SERHL2: variants seen among roughly 807,000 people sequenced by gnomAD.
SERHL2 encodes the protein serine hydrolase like 2.
SERHL2 carries 29 observed loss-of-function variants against 25.5 expected under a neutral mutation model. The observed-to-expected ratio is 1.14, with a 90% CI of 0.85 to 1.55. The LOEUF is 1.55. Among genes scored for constraint, SERHL2 ranks in the 40% most tolerant of loss-of-function variants. The pLI, the probability that SERHL2 is intolerant of heterozygous loss-of-function variation, is 0.00. For synonymous variants in SERHL2, 95 were observed against 103.5 expected, an observed-to-expected ratio of 0.92 and a Z score of 0.50; for missense variants, 240 against 252.3, an observed-to-expected ratio of 0.95 and a Z score of 0.33.
intron 8 of SERHL2, among the ~76,000 whole-genome samples, chr22:42,564,048 G>A (rs1923027072): frequency 6.6e-6 from 1 of 151,684 alleles, no homozygotes; most frequent in South Asian, 2.1e-4. Flanking sequence ...CTCTAGCCTG[G>A]GCAACAAGAG....
chr22:42,561,802 C>A (rs2146690584), intron 8 of SERHL2, among the ~76,000 whole-genome samples: 1 of 151,902 alleles, frequency 6.6e-6, no homozygotes, highest in African/African-American at 2.4e-5. Context: ...ATCATCTTGG[C>A]TGAACCTTTA....
chr22:42,573,947 T>C lies in SERHL2; in HGVS notation c.837T>C (p.Phe279=), dbSNP rs768934476. ...MKSTLKEQFQ[F]VEVPGNHCVH... is the part of the protein sequence containing the mutation. ...CCTCCCCTCTCCAGCAGTTCCAGTT[T>C]GTGGAAGTCCCAGGCAATCACTGTG... The change falls in exon 12 of 12, where the codon TTT becomes TTC. Residue 279 remains phenylalanine (F), a synonymous_variant. Coordinates refer to ENST00000327678, the MANE Select transcript of SERHL2 (RefSeq NM_014509.5). The C allele has an allele frequency of 6.2e-7, 1 of 1,610,754 alleles. No individual in the cohort carries two copies. Among genetic ancestry groups the C allele is most frequent in the Non-Finnish European group, 8.5e-7 (1 of 1,177,556 alleles).
intron 9 of SERHL2, among the ~76,000 whole-genome samples, chr22:42,567,807 G>T (rs1214515309): frequency 6.6e-6 from 1 of 150,994 alleles, no homozygotes; most frequent in Admixed American, 6.6e-5. Context: ...CTCAGCTCAC[G>T]GCAACCTTTG....
At chr22:42,559,734 GAAAA>G (rs568121812) in intron 7 of SERHL2, among the ~76,000 whole-genome samples, 10 of 150,422 alleles carry the variant, frequency 6.6e-5, no homozygotes, top group Middle Eastern at 3.4e-3. Context: ...GAAAAAAAAA[GAAAA>G]AAAAATCACG....
rs765998025 is a variant in SERHL2 at position 42,566,322 on chromosome 22, A to AC, written c.634dup (p.Gln212ProfsTer11). The AC allele has an allele frequency of 3.1e-6, 5 of 1,612,188 alleles. No homozygotes were observed. The South Asian group carries it at 5.5e-5, about 18-fold the overall frequency. On this transcript the variant is annotated frameshift_variant, in exon 9 of 12. Coordinates refer to ENST00000327678, the MANE Select transcript of SERHL2 (RefSeq NM_014509.5). LOFTEE classifies it high-confidence loss of function. ...CCTCCAGGTCTGGTTCTGAACAGAG[A>AC]CCAGAGGCTCGCCTGGGTGAGTACC... is the stretch of plus-strand genomic sequence containing the variant.
At position 42,553,987 on chromosome 22, in the gene SERHL2, G is replaced by A. The variant is rs1448272782; in HGVS notation, c.-34G>A. On this transcript the variant is annotated 5_prime_UTR_variant, in exon 1 of 12. Coordinates refer to ENST00000327678, the MANE Select transcript of SERHL2 (RefSeq NM_014509.5). ...CTCCTGCGACCTAGCCAGGCGTGAG[G>A]GAGTGACAGCAGCGCATTCGCGGGA... 2 of 1,612,908 alleles carry A rather than the reference G, an allele frequency of 1.2e-6. No individual in the cohort carries two copies. Among genetic ancestry groups the A allele is most frequent in the Non-Finnish European group, 1.7e-6 (2 of 1,179,386 alleles).
Position 42,554,039 on chromosome 22 carries a change from C to A in SERHL2, c.19C>A (p.Pro7Thr). MSENAA[P>T]GLISELKLAV... ...GAGAGCGATGAGTGAGAACGCCGCA[C>A]CAGGTCTGACGGGGAGGCCTTGTGC... is the stretch of plus-strand genomic sequence containing the variant. Residue 7 changes from proline (P) to threonine (T), a missense_variant, in exon 1 of 12, where the codon CCA becomes ACA. Around this residue, in one of 4 missense-constraint regions of SERHL2, gnomAD observed 18 missense variants for 16.0 expected, o/e 1.12. Transcript: ENST00000327678. The A allele has an allele frequency of 2.5e-6, 4 of 1,613,584 alleles. No individual in the cohort carries two copies. The highest frequency in any genetic ancestry group is 3.4e-6 in the Non-Finnish European group (4 of 1,179,772).
intron 9 of SERHL2, 96 bp downstream of exon 9, chr22:42,566,434 T>A: frequency 8.1e-7 from 1 of 1,235,302 alleles, no homozygotes; most frequent in Non-Finnish European, 1.2e-6. Context: ...GGCTCACGCC[T>A]GTAATCCCAG....
intron 9 of SERHL2, 71 bp from the exon 10 acceptor site, chr22:42,571,050 G>A (rs1924104479): frequency 6.2e-7 from 1 of 1,607,318 alleles, no homozygotes; most frequent in African/African-American, 1.3e-5. Flanking sequence ...CACCCCAACA[G>A]AGATGGGTTT....
intron 7 of SERHL2, 31 bp from the exon 8 acceptor site, chr22:42,560,155 A>G (rs1307542302): frequency 6.4e-7 from 1 of 1,565,036 alleles, no homozygotes; most frequent in Non-Finnish European, 8.8e-7. Flanking sequence ...ATTGGCCTCC[A>G]GGCACCCAGC....
In SERHL2 at chr22:42,560,198, C is replaced by T. The variant is rs778326624; in HGVS notation, c.546C>T (p.Ser182=). ...TGTCTCCCCCCAGGTTACTGAAGAG[C>T]AATAGCCACTTGAGTGAGGAGTGCG... is the stretch of plus-strand genomic sequence containing the variant. ...LKQLLQRLLK[S]NSHLSEECGE... Residue 182 remains serine, a synonymous_variant, in exon 8 of 12, where the codon AGC becomes AGT. Coordinates refer to ENST00000327678, the MANE Select transcript of SERHL2 (RefSeq NM_014509.5). 9 of 1,612,106 alleles carry T rather than the reference C, an allele frequency of 5.6e-6. No homozygotes were observed. The East Asian group carries it at 1.6e-4, about 28-fold the overall frequency.
intron 7 of SERHL2, among the ~76,000 whole-genome samples, chr22:42,559,093 C>T (rs1368393503): frequency 3.3e-5 from 3 of 91,972 alleles, no homozygotes; most frequent in African/African-American, 1.6e-4. Flanking sequence ...TGTAAACATG[C>T]AATCGAAACA....
intron 7 of SERHL2, among the ~76,000 whole-genome samples, chr22:42,559,969 G>A (rs1360570004): frequency 1.3e-5 from 2 of 151,738 alleles, no homozygotes; most frequent in African/African-American, 4.8e-5. Context: ...ATGCCACCAT[G>A]TCCAGCTAAG....
chr22:42,572,795 G>A, intron 11 of SERHL2: 1 of 860,078 alleles, frequency 1.2e-6, no homozygotes, highest in Non-Finnish European at 1.4e-6. Context: ...CTCCTGAGTA[G>A]CTGGGATTAC....
chr22:42,568,269 C>T (rs60809407), intron 9 of SERHL2, among the ~76,000 whole-genome samples: 12,222 of 151,676 alleles, frequency 0.081, 1,324 homozygotes, highest in East Asian at 0.59. Context: ...GCTATCCTCC[C>T]GCCTCAGTTT....
At chr22:42,573,784 C>G in intron 11 of SERHL2, 152 bp from the exon 12 acceptor site, 1 of 779,774 alleles carries the variant, frequency 1.3e-6, no homozygotes, top group Non-Finnish European at 2.1e-6. Context: ...TGTCGGGGCT[C>G]CAAGGAGCCG....
intron 9 of SERHL2, among the ~76,000 whole-genome samples, 197 bp downstream of exon 9, chr22:42,566,535 G>A (rs1274484206): frequency 5.4e-5 from 8 of 148,578 alleles, no homozygotes; most frequent in African/African-American, 2.5e-5. Context: ...CAGCCTGGGC[G>A]ACAGAGCGAG....
intron 7 of SERHL2, among the ~76,000 whole-genome samples, chr22:42,558,907 A>C (rs879996527): frequency 4.6e-3 from 47 of 10,246 alleles, no homozygotes; most frequent in African/African-American, 0.017. Flanking sequence ...TTCCCGAGGC[A>C]TGTGAACTCC....
chr22:42,572,165 C>T (rs1187127797), intron 10 of SERHL2, among the ~76,000 whole-genome samples: 1 of 152,108 alleles, frequency 6.6e-6, no homozygotes, highest in African/African-American at 2.4e-5. Flanking sequence ...CTCTGCTTTT[C>T]AGGGCTGACT....
Sources: gnomAD v4.1 joint callset for allele counts (sites outside exome capture counted in the v4.1 genomes callset) on GRCh38, gnomAD v4.1.1 for gene constraint, gnomAD v4.1.1 regional missense constraint, MANE v1.5 for transcripts, NCBI Gene and HGNC (gene_info 2026-07-23, HGNC 2026-07-21) for gene names.